Variants in SLC24A2 observed in about 807,000 individuals in gnomAD.
SLC24A2 encodes the protein sodium/potassium/calcium exchanger 2.
SLC24A2 carries 36 observed loss-of-function variants against 62.0 expected under a neutral mutation model. That is an observed-to-expected ratio of 0.58 (90% CI 0.44 to 0.77). The LOEUF is 0.77. Among genes scored for constraint, SLC24A2 ranks in the 30% least tolerant of loss-of-function variants. The pLI is 0.00. For synonymous variants in SLC24A2, 358 were observed against 294.0 expected (o/e 1.22, Z -2.23); for missense variants, 846 against 817.9 (o/e 1.03, Z -0.42).
chr9:19,779,250 CA>C (rs1453927641), intron 2 of SLC24A2, among the ~76,000 whole-genome samples: 3 of 152,142 alleles, frequency 2.0e-5, no homozygotes, highest in Non-Finnish European at 4.4e-5. Flanking sequence ...TCCTCAAAAT[CA>C]GGAAGCCTAA....
intron 4 of SLC24A2, among the ~76,000 whole-genome samples, chr9:19,598,216 A>G (rs962634262): frequency 6.6e-6 from 1 of 152,238 alleles, no homozygotes; most frequent in African/African-American, 2.4e-5. Flanking sequence ...TTTTCTGGTC[A>G]TAACACCACT....
chr9:20,183,646 C>T, the SLC24A2 span, among the ~76,000 whole-genome samples: 1 of 152,172 alleles, frequency 6.6e-6, no homozygotes, highest in Non-Finnish European at 1.5e-5. Flanking sequence ...TTGCTCTGGG[C>T]CTTGAAGAAT....
At chr9:19,949,787 G>C in the SLC24A2 span, among the ~76,000 whole-genome samples, 147 of 152,324 alleles carry the variant, frequency 9.7e-4, no homozygotes, top group African/African-American at 3.4e-3. Flanking sequence ...ACAACACCTA[G>C]TGGATAGTGA....
At chr9:19,586,800 T>G (rs1186384265) in intron 5 of SLC24A2, among the ~76,000 whole-genome samples, 3 of 152,166 alleles carry the variant, frequency 2.0e-5, no homozygotes, top group Non-Finnish European at 2.9e-5. Context: ...AACTTAATCT[T>G]TTGAACATTT....
At chr9:19,707,663 A>G (rs1227227453) in intron 2 of SLC24A2, among the ~76,000 whole-genome samples, 1 of 152,256 alleles carries the variant, frequency 6.6e-6, no homozygotes, top group Non-Finnish European at 1.5e-5. Context: ...CCACATGATT[A>G]TCTCAATAGA....
At chr9:19,779,097 A>G (rs1202197916) in intron 2 of SLC24A2, among the ~76,000 whole-genome samples, 1 of 152,222 alleles carries the variant, frequency 6.6e-6, no homozygotes, top group Non-Finnish European at 1.5e-5. Context: ...TAAAGAAATG[A>G]CAAGAATGAG....
At chr9:20,224,390 A>G in the SLC24A2 span, among the ~76,000 whole-genome samples, 1 of 152,066 alleles carries the variant, frequency 6.6e-6, no homozygotes, top group Non-Finnish European at 1.5e-5. Flanking sequence ...TACAACAGTA[A>G]TAACACATCC....
At chr9:19,997,244 G>C in the SLC24A2 span, among the ~76,000 whole-genome samples, 1 of 152,096 alleles carries the variant, frequency 6.6e-6, no homozygotes, top group African/African-American at 2.4e-5. Context: ...GACTAGGTGT[G>C]AGTTTAGGGA....
At chr9:20,113,910 C>G in the SLC24A2 span, among the ~76,000 whole-genome samples, 1 of 152,152 alleles carries the variant, frequency 6.6e-6, no homozygotes, top group Non-Finnish European at 1.5e-5. Context: ...GTTTCAGCCA[C>G]TGAACAACAG....
chr9:19,836,504 T>C, the SLC24A2 span, among the ~76,000 whole-genome samples: 11 of 152,104 alleles, frequency 7.2e-5, no homozygotes, highest in African/African-American at 2.7e-4. Context: ...CCTCAACACA[T>C]ACACCCTCCC....
At chr9:20,194,999 G>T in the SLC24A2 span, among the ~76,000 whole-genome samples, 1 of 152,082 alleles carries the variant, frequency 6.6e-6, no homozygotes, top group Non-Finnish European at 1.5e-5. Flanking sequence ...CGTAAACCAT[G>T]TAAATTAGTT....
chr9:19,807,536 G>T, the SLC24A2 span, among the ~76,000 whole-genome samples: 1 of 152,156 alleles, frequency 6.6e-6, no homozygotes. Context: ...GCTCAAGTAG[G>T]CTTGTAGCTG....
chr9:19,966,802 T>C, the SLC24A2 span, among the ~76,000 whole-genome samples: 1 of 152,044 alleles, frequency 6.6e-6, no homozygotes, highest in African/African-American at 2.4e-5. Context: ...TTGCTGAGAG[T>C]ATGAAATTTT....
chr9:20,210,324 T>G, the SLC24A2 span, among the ~76,000 whole-genome samples: 1 of 152,154 alleles, frequency 6.6e-6, no homozygotes, highest in Non-Finnish European at 1.5e-5. Flanking sequence ...ACTAGAAAAG[T>G]AATTTCTGAC....
At chr9:20,234,370 G>A in the SLC24A2 span, among the ~76,000 whole-genome samples, 49 of 152,354 alleles carry the variant, frequency 3.2e-4, no homozygotes, top group Non-Finnish European at 5.7e-4. Flanking sequence ...ACACCAGTCA[G>A]ACGTAGATTT....
chr9:19,984,783 A>T, the SLC24A2 span, among the ~76,000 whole-genome samples: 1 of 152,122 alleles, frequency 6.6e-6, no homozygotes, highest in Non-Finnish European at 1.5e-5. Flanking sequence ...TCAATAGCAA[A>T]AGAATAGTCT....
At chr9:19,700,384 AT>A (rs1323651262) in intron 2 of SLC24A2, among the ~76,000 whole-genome samples, 16 of 152,312 alleles carry the variant, frequency 1.1e-4, no homozygotes, top group African/African-American at 3.6e-4. Flanking sequence ...ATTTAAAAAA[AT>A]GCTCTGGCAT....
chr9:19,873,640 G>T, the SLC24A2 span, among the ~76,000 whole-genome samples: 1 of 149,638 alleles, frequency 6.7e-6, no homozygotes, highest in East Asian at 2.0e-4. Flanking sequence ...CTAGAGACAG[G>T]GTCTCATATT....
intron 2 of SLC24A2, among the ~76,000 whole-genome samples, chr9:19,728,472 A>G (rs1430485423): frequency 1.3e-5 from 2 of 152,124 alleles, no homozygotes; most frequent in South Asian, 4.1e-4. Context: ...TCGGTAATGC[A>G]GTTTCAGCTC....
Sources: gnomAD v4.1 joint callset for allele counts (sites outside exome capture counted in the v4.1 genomes callset) on GRCh38, gnomAD v4.1.1 for gene constraint, MANE v1.5 for transcripts, NCBI Gene and HGNC (gene_info 2026-07-23, HGNC 2026-07-21) for gene names.